The following AVEN variants were observed in gnomAD, a reference collection of about 807,000 sequenced individuals.
AVEN encodes apoptosis and caspase activation inhibitor.
AVEN carries 41 observed loss-of-function variants against 38.1 expected under a neutral mutation model. The observed-to-expected ratio is 1.08, with a 90% CI of 0.84 to 1.40. AVEN has a LOEUF of 1.40. AVEN is among the 40% of genes most tolerant of loss of function. The pLI, the probability that AVEN is intolerant of heterozygous loss-of-function variation, is 0.00. For missense variants in AVEN, 605 were observed against 438.8 expected, an observed-to-expected ratio of 1.38 and a Z score of -3.38; for synonymous variants, 206 against 171.8, an observed-to-expected ratio of 1.20 and a Z score of -1.56.
chr15:34,011,211 A>G (rs1273995716), intron 1 of AVEN, among the ~76,000 whole-genome samples: 1 of 152,120 alleles, frequency 6.6e-6, no homozygotes, highest in East Asian at 1.9e-4. Context: ...TTTGTTTACT[A>G]GGCCTATACG....
chr15:33,937,357 A>ACC (rs758546045), intron 2 of AVEN, among the ~76,000 whole-genome samples: 1 of 145,018 alleles, frequency 6.9e-6, no homozygotes, highest in Non-Finnish European at 1.5e-5. Flanking sequence ...ACACGGTGAA[A>ACC]CCCATCTCTA....
chr15:33,861,322 ACT>A, downstream of AVEN: 1 of 575,562 alleles, frequency 1.7e-6, no homozygotes, highest in Non-Finnish European at 3.1e-6. Context: ...TTGTCCATAG[ACT>A]CTGTCTCTCC....
chr15:33,989,976 G>C lies in AVEN; in HGVS notation c.445+13056C>G, dbSNP rs147759066. Among the ~76,000 whole-genome samples, 144 of 151,680 alleles carry C rather than the reference G, an allele frequency of 9.5e-4. 3 individuals are homozygous for C. The East Asian group carries it at 0.025, about 27-fold the overall frequency. ...CCCAGCACTTTGGGAGGCCAAAGCA[G>C]GAGGATCACTTGAGGTCAGGAGTTG... is the stretch of plus-strand genomic sequence containing the variant. On this transcript the variant is annotated intron_variant, in intron 2 of 5. Transcript: ENST00000306730.
chr15:33,906,992 A>G (rs1892729337), intron 2 of AVEN, among the ~76,000 whole-genome samples: 1 of 152,178 alleles, frequency 6.6e-6, no homozygotes, highest in African/African-American at 2.4e-5. Flanking sequence ...CAGGCTTTCC[A>G]ATGTCAAACA....
chr15:34,038,809 C>A lies in AVEN; in HGVS notation c.238G>T (p.Gly80Ter). The A allele has an allele frequency of 8.4e-7, 1 of 1,193,790 alleles. No individual in the cohort carries two copies. Among genetic ancestry groups the A allele is most frequent in the Non-Finnish European group, 1.0e-6 (1 of 962,892 alleles). 73.9% of individuals were successfully genotyped at this position (1,193,790 alleles called of 1,614,324 possible). Reference sequence around the variant, plus strand: ...GCGCTGGCCCCTGCGCCCCAGCCTCCCGGCTCCCGGCGGCTGCCTCGCGGG... The same window carrying A: ...GCGCTGGCCCCTGCGCCCCAGCCTCACGGCTCCCGGCGGCTGCCTCGCGGG... Reference protein sequence around the residue: ...GAPRGSRREPGGWGAGASAPV... With the variant: ...GAPRGSRREP The change falls in exon 1 of 6, where the codon GGA (glycine) becomes TGA (stop). Residue 80 changes from glycine to a stop codon, truncating the protein, a stop_gained. Transcript: ENST00000306730. LOFTEE classifies it high-confidence loss of function.
At chr15:34,072,142 G>A (rs996657497) in intron 1 of AVEN, among the ~76,000 whole-genome samples, 2 of 151,852 alleles carry the variant, frequency 1.3e-5, no homozygotes, top group Non-Finnish European at 2.9e-5. Flanking sequence ...GGTGACACCC[G>A]CCTGTAGTCC....
At position 34,008,139 on chromosome 15, in the gene AVEN, G is replaced by T. The variant is rs139851672; in HGVS notation, c.268-4930C>A. 5.4e-4 allele frequency among the ~76,000 whole-genome samples: 82 copies of T among 152,186 alleles called. 1 individual carries two copies. The East Asian group carries it at 0.015, about 28-fold the overall frequency. ...AAAAAATAGTCGAAAATAATGGGTGGGCCTGGCACCATGGCTCACTTCTGT... is the reference window on the plus strand; with the variant it reads ...AAAAAATAGTCGAAAATAATGGGTGTGCCTGGCACCATGGCTCACTTCTGT... On this transcript the variant is annotated intron_variant, in intron 1 of 5. Coordinates refer to ENST00000306730, the MANE Select transcript of AVEN (RefSeq NM_020371.3).
intron 1 of AVEN, among the ~76,000 whole-genome samples, chr15:34,021,609 C>T (rs896160582): frequency 6.6e-6 from 1 of 152,080 alleles, no homozygotes; most frequent in Admixed American, 6.5e-5. Flanking sequence ...AATCCCAGCA[C>T]TTTGGGAGGC....
intron 5 of AVEN, among the ~76,000 whole-genome samples, chr15:34,047,483 A>T (rs1227702128): frequency 6.6e-6 from 1 of 152,180 alleles, no homozygotes; most frequent in African/African-American, 2.4e-5. Context: ...GCCAAGCAGC[A>T]TCTTTCTGCA....
intron 4 of AVEN, chr15:34,065,104 G>C (rs1470211639): frequency 6.1e-6 from 1 of 165,146 alleles, no homozygotes; most frequent in Non-Finnish European, 1.5e-5. Flanking sequence ...AGTTATTTTA[G>C]TTTTTGCCAG....
At chr15:33,986,959 G>C (rs977692005) in intron 2 of AVEN, among the ~76,000 whole-genome samples, 2 of 152,078 alleles carry the variant, frequency 1.3e-5, no homozygotes, top group Non-Finnish European at 2.9e-5. Context: ...GCCCAGCCCA[G>C]GTTCTTTTCA....
At chr15:34,002,698 T>C (rs1219986081) in intron 2 of AVEN, among the ~76,000 whole-genome samples, 1 of 152,192 alleles carries the variant, frequency 6.6e-6, no homozygotes, top group Non-Finnish European at 1.5e-5. Context: ...CCTACAAATA[T>C]AAGGAATGTT....
intron 5 of AVEN, among the ~76,000 whole-genome samples, chr15:34,047,518 A>T (rs1463106330): frequency 6.6e-6 from 1 of 152,134 alleles, no homozygotes; most frequent in East Asian, 1.9e-4. Flanking sequence ...GGCACCTCAC[A>T]AGATAAGACC....
At chr15:34,069,063 G>A (rs368908298) in intron 2 of AVEN, among the ~76,000 whole-genome samples, 25 of 151,534 alleles carry the variant, frequency 1.6e-4, no homozygotes, top group Admixed American at 4.6e-4. Flanking sequence ...CACCCGCCTC[G>A]GCCTCCCAAA....
chr15:33,873,529 ATAT>A (rs927751600), intron 3 of AVEN, among the ~76,000 whole-genome samples: 2 of 148,150 alleles, frequency 1.3e-5, no homozygotes, highest in African/African-American at 4.9e-5. Context: ...CATATAATAT[ATAT>A]TATATATATG....
intron 2 of AVEN, among the ~76,000 whole-genome samples, chr15:33,897,160 T>A (rs1409475431): frequency 6.6e-6 from 1 of 152,150 alleles, no homozygotes; most frequent in African/African-American, 2.4e-5. Flanking sequence ...GGAAGGTACA[T>A]AGGGAACTTT....
rs1331473577 is a variant in AVEN at position 33,983,947 on chromosome 15, G to A, written c.445+19085C>T. On this transcript the variant is annotated intron_variant, in intron 2 of 5. Coordinates refer to ENST00000306730, the MANE Select transcript of AVEN (RefSeq NM_020371.3). ...CTCATCATGAAAAAAAAAAAAATCA[G>A]AAAAACCCAAATTAAGGGACATTCT... Among the ~76,000 whole-genome samples the A allele has an allele frequency of 2.7e-5, 4 of 149,638 alleles. 1 individual carries two copies. The highest frequency in any genetic ancestry group is 5.9e-5 in the Non-Finnish European group (4 of 67,472).
At chr15:33,882,648 A>G (rs775521245) in intron 2 of AVEN, among the ~76,000 whole-genome samples, 8 of 152,114 alleles carry the variant, frequency 5.3e-5, no homozygotes, top group African/African-American at 9.7e-5. Context: ...GGAAGGATCA[A>G]TTGAGGCCAG....
intron 4 of AVEN, among the ~76,000 whole-genome samples, chr15:33,870,368 G>A (rs528628197): frequency 2.0e-5 from 3 of 152,154 alleles, no homozygotes; most frequent in Non-Finnish European, 2.9e-5. Flanking sequence ...TTTTATTAAC[G>A]CAAAGCTGAC....
Sources: gnomAD v4.1 joint callset for allele counts (sites outside exome capture counted in the v4.1 genomes callset) on GRCh38, gnomAD v4.1.1 for gene constraint, MANE v1.5 for transcripts, NCBI Gene and HGNC (gene_info 2026-07-23, HGNC 2026-07-21) for gene names.